ZRANB1: variants seen among roughly 807,000 people sequenced by gnomAD.
ZRANB1 encodes the protein ubiquitin thioesterase ZRANB1.
ZRANB1 carries 16 observed loss-of-function variants against 80.5 expected under a neutral mutation model. The ratio of observed to expected loss-of-function variants is 0.20; its 90% CI spans 0.13 to 0.30. ZRANB1 has a LOEUF of 0.30. ZRANB1 is among the 10% of genes least tolerant of loss of function. The pLI is 1.00. For synonymous variants in ZRANB1, 291 were observed against 293.1 expected (o/e 0.99, Z 0.07); for missense variants, 576 against 862.6 (o/e 0.67, Z 4.16).
intron 2 of ZRANB1, among the ~76,000 whole-genome samples, chr10:124,967,785 G>C (rs1951788465): frequency 6.6e-6 from 1 of 152,146 alleles, no homozygotes; most frequent in African/African-American, 2.4e-5. Context: ...AAGATACAGT[G>C]TGGATGTAAG....
intron 1 of ZRANB1, chr10:124,962,484 G>GA (rs1375576341): frequency 1.2e-6 from 1 of 844,352 alleles, no homozygotes. Flanking sequence ...TGTCATAAAG[G>GA]AAAATAAGGC....
chr10:124,962,410 T>A, intron 1 of ZRANB1: 1 of 985,252 alleles, frequency 1.0e-6, no homozygotes, highest in East Asian at 1.1e-4. Flanking sequence ...TGGGCTCAGG[T>A]AAGTCCTGGC....
chr10:124,919,860 C>T, the ZRANB1 span, among the ~76,000 whole-genome samples: 6 of 150,408 alleles, frequency 4.0e-5, no homozygotes, highest in African/African-American at 1.5e-4. Flanking sequence ...ATCCACCCGC[C>T]TCGGCCTCCC....
intron 5 of ZRANB1, among the ~76,000 whole-genome samples, chr10:124,976,611 G>A (rs189501703): frequency 0.011 from 1,322 of 119,068 alleles, 17 homozygotes; most frequent in African/African-American, 0.04. Context: ...TTACTCTGTC[G>A]CCCAGGCTGG....
the ZRANB1 span, among the ~76,000 whole-genome samples, chr10:124,928,400 G>T: frequency 6.6e-6 from 1 of 152,116 alleles, no homozygotes; most frequent in Non-Finnish European, 1.5e-5. Flanking sequence ...TTACAGATGT[G>T]AAGAGCCATT....
chr10:124,971,031 C>G (rs1388898299), intron 2 of ZRANB1, among the ~76,000 whole-genome samples: 1 of 152,006 alleles, frequency 6.6e-6, no homozygotes, highest in Non-Finnish European at 1.5e-5. Flanking sequence ...ATCATGTTGG[C>G]CAGGCTGGTC....
At chr10:124,923,180 G>A in the ZRANB1 span, among the ~76,000 whole-genome samples, 4 of 151,970 alleles carry the variant, frequency 2.6e-5, no homozygotes, top group South Asian at 4.2e-4. Flanking sequence ...TCAGTTACTC[G>A]GGAGGCTGAG....
the ZRANB1 span, among the ~76,000 whole-genome samples, chr10:124,921,020 G>C: frequency 6.6e-6 from 1 of 152,156 alleles, no homozygotes; most frequent in East Asian, 1.9e-4. Context: ...TTGAAACTAT[G>C]GCTGTCTCTT....
At chr10:124,940,361 G>T, upstream of ZRANB1, 1 of 371,078 alleles carries the variant, frequency 2.7e-6, no homozygotes, top group Non-Finnish European at 4.6e-6. Flanking sequence ...TTCAGTTTTG[G>T]TCTCCTTTAC....
intron 2 of ZRANB1, among the ~76,000 whole-genome samples, chr10:124,967,077 G>A (rs1016397164): frequency 5.9e-5 from 9 of 152,174 alleles, no homozygotes; most frequent in Non-Finnish European, 1.2e-4. Context: ...TTTACTGTGT[G>A]CCATGCACTA....
the ZRANB1 span, among the ~76,000 whole-genome samples, chr10:124,919,128 A>G: frequency 1.3e-5 from 2 of 152,226 alleles, no homozygotes; most frequent in Non-Finnish European, 2.9e-5. Context: ...GGATTAACAT[A>G]GTTTTGGAAC....
the ZRANB1 span, chr10:124,917,349 C>T: frequency 6.6e-6 from 1 of 150,636 alleles, no homozygotes; most frequent in Non-Finnish European, 1.5e-5. Context: ...GTTGCCGGGC[C>T]TCACGGGCTG....
At position 124,987,359 on chromosome 10, in the gene ZRANB1, A is replaced by C. The variant is rs921304432; in HGVS notation, c.*2367A>C. 1.4e-5 allele frequency: 2 copies of C among 143,564 alleles called. No homozygotes were observed. The highest frequency in any genetic ancestry group is 3.0e-5 in the Non-Finnish European group (2 of 66,342). The allele number at this position is 143,564 out of a possible 1,614,324, so 8.9% of individuals were successfully genotyped here. On this transcript the variant is annotated 3_prime_UTR_variant, in exon 9 of 9. Coordinates refer to ENST00000359653, the MANE Select transcript of ZRANB1 (RefSeq NM_017580.3). ...TTTGACTTGTTCTTCCTTGGGGTCA[A>C]ATTTATATATATATATATAAATTTT...
the ZRANB1 span, among the ~76,000 whole-genome samples, chr10:124,929,996 G>C: frequency 6.6e-6 from 1 of 150,884 alleles, no homozygotes; most frequent in Admixed American, 6.6e-5. Flanking sequence ...GAAGGTACCT[G>C]AGGATTCAAT....
chr10:124,986,289 G>GCACACACACACACACACA lies in ZRANB1; in HGVS notation c.*1298_*1299insACACACACACACACACAC, dbSNP rs1348841236. On this transcript the variant is annotated 3_prime_UTR_variant, in exon 9 of 9. Transcript: ENST00000359653. ...AAAGACGACACACGCACGCGCGCGC[G>GCACACACACACACACACA]CGCACACACACACACACACACACAC... 8.3e-5 allele frequency: 9 copies of GCACACACACACACACACA among 108,438 alleles called. No individual in the cohort carries two copies. The highest frequency in any genetic ancestry group is 3.3e-4 in the African/African-American group (9 of 27,626). 6.7% of individuals were successfully genotyped at this position (108,438 alleles called of 1,614,324 possible).
chr10:124,917,629 C>A, the ZRANB1 span, among the ~76,000 whole-genome samples: 14 of 152,226 alleles, frequency 9.2e-5, no homozygotes, highest in Non-Finnish European at 1.8e-4. Flanking sequence ...TTCGCTCCCA[C>A]TCCGCAATAG....
At chr10:124,917,984 C>T in the ZRANB1 span, among the ~76,000 whole-genome samples, 9 of 152,120 alleles carry the variant, frequency 5.9e-5, no homozygotes, top group African/African-American at 2.2e-4. Flanking sequence ...TTTGAACCGG[C>T]CCATTATCTT....
In ZRANB1 at chr10:124,943,169, G is replaced by A; in HGVS notation, c.676G>A (p.Val226Met). 6.2e-7 allele frequency: 1 copy of A among 1,614,232 alleles called. No individual in the cohort carries two copies. Among genetic ancestry groups the A allele is most frequent in the Non-Finnish European group, 8.5e-7 (1 of 1,180,044 alleles). Residue 226 changes from valine (V) to methionine (M), a missense_variant, in exon 1 of 9, where the codon GTG becomes ATG. Physicochemically the swap from Val to Met is conservative, Grantham distance 21 (BLOSUM62 1). Coordinates refer to ENST00000359653, the MANE Select transcript of ZRANB1 (RefSeq NM_017580.3). ...SPPATKRDSEVKMDFQRIELA... is the reference protein window; with the variant it reads ...SPPATKRDSEMKMDFQRIELA... ...TCCTGCTACGAAGCGGGACTCTGAAGTGAAAATGGATTTTCAGAGGATTGA... is the reference window on the plus strand; with the variant it reads ...TCCTGCTACGAAGCGGGACTCTGAAATGAAAATGGATTTTCAGAGGATTGA...
chr10:124,962,131 A>G (rs1415441976), intron 1 of ZRANB1, among the ~76,000 whole-genome samples: 2 of 152,256 alleles, frequency 1.3e-5, no homozygotes, highest in African/African-American at 4.8e-5. Context: ...CTTATGATAT[A>G]AAAAAGTATT....
Sources: gnomAD v4.1 joint callset for allele counts (sites outside exome capture counted in the v4.1 genomes callset) on GRCh38, gnomAD v4.1.1 for gene constraint, MANE v1.5 for transcripts, NCBI Gene and HGNC (gene_info 2026-07-23, HGNC 2026-07-21) for gene names.